Variants in MATN2 observed in about 807,000 individuals in gnomAD.
MATN2 encodes the protein matrilin 2.
In MATN2, 69 loss-of-function variants were observed where a neutral mutation model predicts 103.2. The observed-to-expected ratio is 0.67, with a 90% CI of 0.55 to 0.82. The LOEUF (loss-of-function observed/expected upper bound fraction) is 0.82, where lower values mean the gene tolerates loss of function less well. Among genes scored for constraint, MATN2 ranks in the 40% least tolerant of loss-of-function variants. MATN2 has a pLI of 0.00. For missense variants in MATN2, 1,023 were observed against 1,211.5 expected (o/e 0.84, Z 2.31); for synonymous variants, 429 against 450.2 (o/e 0.95, Z 0.60).
At position 98,032,257 on chromosome 8, in the gene MATN2, T is replaced by G. The variant is rs375073171; in HGVS notation, c.2521T>G (p.Ser841Ala). The G allele has an allele frequency of 5.8e-5, 93 of 1,611,390 alleles. No homozygotes were observed. Among genetic ancestry groups the G allele is most frequent in the Non-Finnish European group, 7.4e-5 (87 of 1,178,794 alleles). ...CTTTTTCTGCTCAGCTCTAGAAGAC[T>G]CCGATGGAAGACAGGACTCTCCAGC... is the stretch of plus-strand genomic sequence containing the variant. ...KKGICEALED[S>A]DGRQDSPAGE... Residue 841 changes from serine to alanine, a missense_variant, in exon 16 of 19, where the codon TCC becomes GCC. Coordinates refer to ENST00000254898, the MANE Select transcript of MATN2 (RefSeq NM_002380.5).
intron 1 of MATN2, among the ~76,000 whole-genome samples, chr8:97,885,806 G>C (rs1433030066): frequency 1.3e-5 from 2 of 152,092 alleles, no homozygotes; most frequent in African/African-American, 4.8e-5. Flanking sequence ...CTCAAAAAAA[G>C]AGTTTAAATG....
Position 97,893,730 on chromosome 8 carries a change from C to T in MATN2, c.142+5488C>T, listed in dbSNP as rs370442303. Among the ~76,000 whole-genome samples, 118 of 152,262 alleles carry T rather than the reference C, an allele frequency of 7.7e-4. 2 individuals are homozygous for T. The highest frequency in any genetic ancestry group is 2.8e-3 in the African/African-American group (117 of 41,552). On this transcript the variant is annotated intron_variant, in intron 2 of 18. Coordinates refer to ENST00000254898, the MANE Select transcript of MATN2 (RefSeq NM_002380.5). ...TAGCTGGGATTACAGGTGCCTGCCA[C>T]CACGCCCGGTTAATTTTTGTATTTT...
chr8:98,030,271 C>T (rs1813964470), intron 14 of MATN2, among the ~76,000 whole-genome samples, 191 bp from the exon 15 acceptor site: 1 of 152,192 alleles, frequency 6.6e-6, no homozygotes, highest in South Asian at 2.1e-4. Context: ...TGCCTCACTT[C>T]TCTCTTGGAT....
chr8:97,879,699 G>A (rs749172014), intron 1 of MATN2, among the ~76,000 whole-genome samples: 4 of 152,212 alleles, frequency 2.6e-5, no homozygotes, highest in Non-Finnish European at 4.4e-5. Context: ...GATGGGGTTA[G>A]CATGACCATG....
chr8:97,969,074 G>A (rs953922263), intron 5 of MATN2, among the ~76,000 whole-genome samples: 1 of 152,170 alleles, frequency 6.6e-6, no homozygotes, highest in African/African-American at 2.4e-5. Context: ...CAAAGGGGGA[G>A]CAAGTATGTC....
chr8:97,993,500 A>G (rs773984166), intron 6 of MATN2, among the ~76,000 whole-genome samples: 15 of 152,066 alleles, frequency 9.9e-5, no homozygotes, highest in African/African-American at 3.4e-4. Flanking sequence ...AAAAAAAAGA[A>G]AAAGAACAAA....
Position 97,946,451 on chromosome 8 carries a change from A to C in MATN2, c.835+4552A>C, listed in dbSNP as rs1425897068. Among the ~76,000 whole-genome samples, 6 of 152,332 alleles carry C rather than the reference A, an allele frequency of 3.9e-5. 1 individual carries two copies. Among genetic ancestry groups the C allele is most frequent in the African/African-American group, 9.6e-5 (4 of 41,570 alleles). On this transcript the variant is annotated intron_variant, in intron 4 of 18. Transcript: ENST00000254898. ...ATGAGATATATGCAAGAGCATCAGC[A>C]TAATACTAGAACAATGGAATTTTAT...
intron 7 of MATN2, among the ~76,000 whole-genome samples, chr8:97,997,779 A>T (rs1434722943): frequency 6.6e-6 from 1 of 151,552 alleles, no homozygotes; most frequent in Non-Finnish European, 1.5e-5. Context: ...GCAAAGAGCC[A>T]CTGTTAAACG....
At position 97,982,976 on chromosome 8, in the gene MATN2, A is replaced by G. The variant is rs1255703065; in HGVS notation, c.1081+3968A>G. 1.3e-5 allele frequency among the ~76,000 whole-genome samples: 2 copies of G among 152,162 alleles called. No homozygotes were observed. The highest frequency in any genetic ancestry group is 2.9e-5 in the Non-Finnish European group (2 of 68,040). On this transcript the variant is annotated intron_variant, in intron 6 of 18. Transcript: ENST00000254898. The surrounding 1 kb of genome is among the most constrained non-coding windows in gnomAD (Gnocchi z 4.3). Reference sequence around the variant, plus strand: ...ACCTGATTTCCACCCAGCTGTAACTATCCTCACCATCCATCTCCAGAACTT... The same window carrying G: ...ACCTGATTTCCACCCAGCTGTAACTGTCCTCACCATCCATCTCCAGAACTT...
rs776958953 is a variant in MATN2 at position 98,027,761 on chromosome 8, C to G, written c.2288C>G (p.Ala763Gly). 2.5e-6 allele frequency: 4 copies of G among 1,609,080 alleles called. No individual in the cohort carries two copies. Residue 763 changes from alanine to glycine, a missense_variant, in exon 14 of 19, where the codon GCC becomes GGC. Coordinates refer to ENST00000254898, the MANE Select transcript of MATN2 (RefSeq NM_002380.5). ...CTTTCCACAAGGGTGCCCAGAGCAG[C>G]CATTGTGTTCACCGACGGACGGGCT... ...RPLSTRVPRAAIVFTDGRAQD... is the reference protein window; with the variant it reads ...RPLSTRVPRAGIVFTDGRAQD...
At chr8:97,881,893 C>T (rs777058490) in intron 1 of MATN2, among the ~76,000 whole-genome samples, 39 of 150,986 alleles carry the variant, frequency 2.6e-4, no homozygotes, top group Middle Eastern at 6.8e-3. Context: ...GTATCCTTTT[C>T]CCATTCCTTT....
chr8:97,913,005 G>T (rs1809498566), intron 2 of MATN2, among the ~76,000 whole-genome samples: 1 of 152,166 alleles, frequency 6.6e-6, no homozygotes. Flanking sequence ...ACCTCACTGG[G>T]ATCAGGATGG....
In MATN2 at chr8:98,007,205, C is replaced by T. The variant is rs201014732; in HGVS notation, c.1428C>T (p.Asn476=). Residue 476 remains asparagine, a synonymous_variant, in exon 9 of 19, where the codon AAC becomes AAT. Transcript: ENST00000254898. The surrounding 1 kb of genome is among the most constrained non-coding windows in gnomAD (Gnocchi z 4.2). ...AGTGCTCAGAAGGCTTCCTCATCAA[C>T]GAGGACCTCAAGACCTGCTCCCGTG... The part of the protein sequence containing the change: ...VCQCSEGFLI[N]EDLKTCSRVD... 2.1e-4 allele frequency: 334 copies of T among 1,613,896 alleles called. No homozygotes were observed. The African/African-American group carries it at 4.0e-3, about 19-fold the overall frequency.
At chr8:97,938,125 T>C (rs1267329318) in intron 3 of MATN2, among the ~76,000 whole-genome samples, 1 of 152,164 alleles carries the variant, frequency 6.6e-6, no homozygotes, top group Admixed American at 6.5e-5. Flanking sequence ...CTCCCACTCA[T>C]GACAGTGGGT....
At chr8:97,927,361 T>C (rs1810021579) in intron 2 of MATN2, among the ~76,000 whole-genome samples, 1 of 151,978 alleles carries the variant, frequency 6.6e-6, no homozygotes, top group Non-Finnish European at 1.5e-5. Flanking sequence ...GGTTTCTCCA[T>C]GTTGGTCAGG....
chr8:98,021,333 T>C lies in MATN2; in HGVS notation c.1942+6T>C. ...GGACGGAAGACGGTGCAAGAGTAAG[T>C]GATCTGAACTTGGCTCTCTGCTTTA... On this transcript the variant is annotated splice_donor_region_variant and intron_variant, in intron 13 of 18. Coordinates refer to ENST00000254898, the MANE Select transcript of MATN2 (RefSeq NM_002380.5). 1 of 1,611,922 alleles carries C rather than the reference T, an allele frequency of 6.2e-7. No homozygotes were observed. The highest frequency in any genetic ancestry group is 1.1e-5 in the South Asian group (1 of 90,694).
chr8:97,906,430 G>A (rs1350212155), intron 2 of MATN2, among the ~76,000 whole-genome samples: 1 of 152,122 alleles, frequency 6.6e-6, no homozygotes, highest in African/African-American at 2.4e-5. Flanking sequence ...TTAGAACTAA[G>A]TTTCCTGGGT....
Position 98,034,349 on chromosome 8 carries a change from T to C in MATN2, c.2815+690T>C, listed in dbSNP as rs572386809. On this transcript the variant is annotated intron_variant, in intron 18 of 18. Coordinates refer to ENST00000254898, the MANE Select transcript of MATN2 (RefSeq NM_002380.5). ...CTGCCAAGTGCTCTAAACTTAAAAT[T>C]ACAGTAAGCGTACTAAAGCTGGCTG... 720 of 368,362 alleles carry C rather than the reference T, an allele frequency of 2.0e-3. 14 individuals are homozygous for C. The highest frequency in any genetic ancestry group is 0.014 in the South Asian group (700 of 49,964). 22.8% of individuals were successfully genotyped at this position (368,362 alleles called of 1,614,324 possible).
chr8:97,896,890 G>T (rs1489690084), intron 2 of MATN2, among the ~76,000 whole-genome samples: 1 of 151,812 alleles, frequency 6.6e-6, no homozygotes, highest in Non-Finnish European at 1.5e-5. Context: ...ACACAGTAGG[G>T]CTGGGCAGTG....
Sources: gnomAD v4.1 joint callset for allele counts (sites outside exome capture counted in the v4.1 genomes callset) on GRCh38, gnomAD v4.1.1 for gene constraint, Gnocchi (gnomAD v3.1) non-coding constraint, MANE v1.5 for transcripts, NCBI Gene and HGNC (gene_info 2026-07-23, HGNC 2026-07-21) for gene names.